The following RBM34 variants were observed in gnomAD, a reference collection of about 807,000 sequenced individuals.
RBM34 encodes RNA-binding protein 34.
In RBM34, 39 loss-of-function variants were observed where a neutral mutation model predicts 44.6. That is an observed-to-expected ratio of 0.87 (90% CI 0.68 to 1.14). The LOEUF is 1.14. Ranked by LOEUF, RBM34 falls within the 50% of genes most tolerant of loss-of-function variation. The pLI, the probability that RBM34 is intolerant of heterozygous loss-of-function variation, is 0.00. For synonymous variants in RBM34, 194 were observed against 184.0 expected (o/e 1.05, Z -0.44); for missense variants, 572 against 517.9 (o/e 1.10, Z -1.01).
chr1:235,150,881 G>A (rs1203862393), intron 5 of RBM34, among the ~76,000 whole-genome samples: 1 of 152,186 alleles, frequency 6.6e-6, no homozygotes, highest in Non-Finnish European at 1.5e-5. Context: ...ATCAAGGTAG[G>A]CTCCCCAAAG....
intron 8 of RBM34, among the ~76,000 whole-genome samples, chr1:235,137,443 C>T (rs1184247465): frequency 6.6e-6 from 1 of 152,168 alleles, no homozygotes; most frequent in African/African-American, 2.4e-5. Flanking sequence ...GGCACGACTA[C>T]AGCTCACTGC....
At chr1:235,135,631 C>T (rs1661395796) in intron 10 of RBM34, 21 bp downstream of exon 10, 1 of 1,582,866 alleles carries the variant, frequency 6.3e-7, no homozygotes, top group Non-Finnish European at 8.7e-7. Context: ...AGGACAGTGA[C>T]AATGCATTAG....
At chr1:235,132,075 A>AT in intron 10 of RBM34, 78 bp from the exon 11 acceptor site, 1 of 1,352,898 alleles carries the variant, frequency 7.4e-7, no homozygotes, top group South Asian at 1.4e-5. Flanking sequence ...TCACTTTAAC[A>AT]GATGAGAACG....
At chr1:235,144,624 G>A (rs2102841610) in intron 6 of RBM34, among the ~76,000 whole-genome samples, 1 of 152,222 alleles carries the variant, frequency 6.6e-6, no homozygotes, top group South Asian at 2.1e-4. Context: ...GTGTGCACCT[G>A]TAGTTCCAGC....
At chr1:235,149,257 C>T (rs933500955) in intron 5 of RBM34, among the ~76,000 whole-genome samples, 13 of 151,674 alleles carry the variant, frequency 8.6e-5, no homozygotes, top group East Asian at 2.0e-4. Context: ...GACGTGGTGG[C>T]GGGCGCCTGT....
chr1:235,142,868 C>T (rs1053032298), intron 6 of RBM34, among the ~76,000 whole-genome samples: 1 of 137,884 alleles, frequency 7.3e-6, no homozygotes, highest in African/African-American at 2.8e-5. Context: ...GCGGAGGTTG[C>T]AGTGAGCTGG....
intron 4 of RBM34, among the ~76,000 whole-genome samples, chr1:235,153,057 A>G (rs2102855670): frequency 6.6e-6 from 1 of 152,120 alleles, no homozygotes; most frequent in East Asian, 1.9e-4. Flanking sequence ...TTTAGTAGAG[A>G]CGGGGTTTCG....
intron 3 of RBM34, among the ~76,000 whole-genome samples, chr1:235,157,583 G>A (rs1033359194): frequency 1.3e-5 from 2 of 151,472 alleles, no homozygotes; most frequent in African/African-American, 4.8e-5. Context: ...AGATCACGGT[G>A]GGCACAAGAG....
At chr1:235,157,808 A>G (rs546565485) in intron 3 of RBM34, among the ~76,000 whole-genome samples, 186 of 152,350 alleles carry the variant, frequency 1.2e-3, no homozygotes, top group Non-Finnish European at 2.1e-3. Context: ...CAGAGGACTC[A>G]TAAGACAAAA....
chr1:235,155,844 T>C (rs1295039939), intron 3 of RBM34, among the ~76,000 whole-genome samples: 1 of 28,306 alleles, frequency 3.5e-5, no homozygotes, highest in South Asian at 2.9e-3. Context: ...TATATATATA[T>C]ATATATATAT....
chr1:235,149,215 C>T (rs1019081553), intron 5 of RBM34, among the ~76,000 whole-genome samples: 12 of 151,552 alleles, frequency 7.9e-5, no homozygotes, highest in Non-Finnish European at 1.2e-4. Context: ...GGTGAAACCC[C>T]ATCTCTACTA....
In RBM34 at chr1:235,152,748, A is replaced by T. The variant is rs1333621097; in HGVS notation, c.615T>A (p.Phe205Leu). The T allele has an allele frequency of 6.3e-7, 1 of 1,586,634 alleles. No homozygotes were observed. The highest frequency in any genetic ancestry group is 1.2e-5 in the South Asian group (1 of 84,722). Reference protein sequence around the residue: ...TCNKKKLKSFFKEYGQIESVR... With the variant: ...TCNKKKLKSFLKEYGQIESVR... ...CAGATTCTATTTGTCCATACTCTTT[A>T]AAAAACGACTTCAGCTTCTAAAATT... Residue 205 changes from phenylalanine to leucine, a missense_variant, in exon 5 of 11, where the codon TTT (phenylalanine) becomes TTA (leucine). Transcript: ENST00000408888.
At chr1:235,159,311 G>C (rs987075781) in intron 3 of RBM34, among the ~76,000 whole-genome samples, 25 of 151,948 alleles carry the variant, frequency 1.6e-4, no homozygotes, top group Non-Finnish European at 2.5e-4. Context: ...CAGCACCTTG[G>C]GAGGCGGAGG....
Position 235,131,708 on chromosome 1 carries a change from G to C in RBM34, c.*5C>G. ...AGCAGGAAAAGAAAAAGCAGTTCCT[G>C]GTTGTTATTTCTGTTTTCTCTGTTT... On this transcript the variant is annotated 3_prime_UTR_variant, in exon 11 of 11. Coordinates refer to ENST00000408888, the MANE Select transcript of RBM34 (RefSeq NM_015014.4). 6.3e-7 allele frequency: 1 copy of C among 1,582,516 alleles called. No individual in the cohort carries two copies. Among genetic ancestry groups the C allele is most frequent in the Non-Finnish European group, 8.6e-7 (1 of 1,168,488 alleles).
intron 5 of RBM34, among the ~76,000 whole-genome samples, chr1:235,149,333 GA>G (rs1254680606): frequency 2.1e-5 from 3 of 146,038 alleles, no homozygotes; most frequent in Non-Finnish European, 4.5e-5. Flanking sequence ...AGCTTGCAGT[GA>G]GCCCAGATGG....
chr1:235,131,712 G>A lies in RBM34; in HGVS notation c.*1C>T, dbSNP rs1277476686. ...GGAAAAGAAAAAGCAGTTCCTGGTT[G>A]TTATTTCTGTTTTCTCTGTTTCTTA... On this transcript the variant is annotated 3_prime_UTR_variant, in exon 11 of 11. Coordinates refer to ENST00000408888, the MANE Select transcript of RBM34 (RefSeq NM_015014.4). 1 of 1,583,698 alleles carries A rather than the reference G, an allele frequency of 6.3e-7. No individual in the cohort carries two copies. Among genetic ancestry groups the A allele is most frequent in the South Asian group, 1.2e-5 (1 of 86,192 alleles).
At chr1:235,156,607 G>A (rs576415896) in intron 3 of RBM34, 1 of 447,410 alleles carries the variant, frequency 2.2e-6, no homozygotes, top group Admixed American at 2.9e-5. Flanking sequence ...AAAGTAAATT[G>A]TGAAACGGTA....
intron 6 of RBM34, among the ~76,000 whole-genome samples, chr1:235,140,033 G>T (rs550354005): frequency 1.3e-5 from 2 of 152,362 alleles, no homozygotes; most frequent in South Asian, 4.1e-4. Context: ...TCGCAGCTAT[G>T]GGTGCTGCAG....
chr1:235,154,851 T>C (rs1338915172), intron 4 of RBM34, 30 bp downstream of exon 4: 1 of 1,545,758 alleles, frequency 6.5e-7, no homozygotes, highest in Non-Finnish European at 8.9e-7. Flanking sequence ...GTTATTAACT[T>C]CTCTGAACTT....
Sources: allele counts gnomAD v4.1 joint callset (sites outside exome capture counted in the v4.1 genomes callset), GRCh38; gene constraint gnomAD v4.1.1; transcripts MANE v1.5; gene names NCBI Gene and HGNC (gene_info 2026-07-23, HGNC 2026-07-21).